KANK1: variants seen among roughly 807,000 people sequenced by gnomAD.
KANK1 encodes the protein KN motif and ankyrin repeat domain-containing protein 1.
Under a neutral mutation model 106.2 loss-of-function variants are expected in KANK1, and 109 were observed. The ratio of observed to expected loss-of-function variants is 1.03; its 90% CI spans 0.88 to 1.20. KANK1 has a LOEUF of 1.20. Among genes scored for constraint, KANK1 ranks in the 50% most tolerant of loss-of-function variants. The pLI is 0.00. For synonymous variants in KANK1, 873 were observed against 652.2 expected, an observed-to-expected ratio of 1.34 and a Z score of -5.16; for missense variants, 2,399 against 1,710.7, an observed-to-expected ratio of 1.40 and a Z score of -7.10.
At chr9:640,022 T>C (rs1167322185) in intron 1 of KANK1, among the ~76,000 whole-genome samples, 1 of 152,178 alleles carries the variant, frequency 6.6e-6, no homozygotes. Flanking sequence ...ATGTAAATCT[T>C]GGGAGACACA....
chr9:709,862 C>A (rs1170022079), intron 2 of KANK1, among the ~76,000 whole-genome samples: 2 of 152,140 alleles, frequency 1.3e-5, no homozygotes, highest in Admixed American at 1.3e-4. Context: ...GGTGATCCAC[C>A]CGCCTTGGCC....
chr9:671,623 A>AAAAAAAAAAAAAAAAAAAAAAAAAAG lies in KANK1; in HGVS notation c.-83-5263_-83-5262insAAAAAAAAAAAAAAAAAAAAAGAAAA, dbSNP rs79437342. 2.6e-4 allele frequency among the ~76,000 whole-genome samples: 27 copies of AAAAAAAAAAAAAAAAAAAAAAAAAAG among 103,608 alleles called. 1 individual carries two copies. The highest frequency in any genetic ancestry group is 9.3e-4 in the African/African-American group (21 of 22,516). The allele number at this position is 103,608 out of a possible 152,430, so 68.0% of individuals were successfully genotyped here. A position where few individuals can be genotyped will look rare whatever the true frequency, so the allele number is the denominator to read the frequency against. On this transcript the variant is annotated intron_variant, in intron 1 of 11. Coordinates refer to ENST00000382297, the MANE Select transcript of KANK1 (RefSeq NM_015158.5). The stretch of plus-strand genomic sequence containing the variant: ...AGAGCGAAACTCCGTCTCAAAAAAA[A>AAAAAAAAAAAAAAAAAAAAAAAAAAG]AAAAGAGTGTACTGGTTAAGTACTG...
In KANK1 at chr9:738,503, C is replaced by A. The variant is rs766169056; in HGVS notation, c.3552C>A (p.Ala1184=). ...AGATTGTGAAGCTGCTGTTAGATGC[C>A]GGTATGTTGGCTGCCCTTCCACCCT... The part of the protein sequence containing the change: ...NFEIVKLLLD[A]DVCNVDHQNK... The change falls in exon 8 of 12, where the codon GCC becomes GCA. Residue 1184 remains alanine, a splice_region_variant and synonymous_variant. Transcript: ENST00000382297. 4 of 1,612,164 alleles carry A rather than the reference C, an allele frequency of 2.5e-6. No homozygotes were observed. The highest frequency in any genetic ancestry group is 1.1e-5 in the South Asian group (1 of 91,024).
intron 1 of KANK1, among the ~76,000 whole-genome samples, chr9:634,723 G>T (rs748121824): frequency 2.6e-5 from 4 of 152,180 alleles, no homozygotes; most frequent in Non-Finnish European, 5.9e-5. Flanking sequence ...CTTAGCCCAT[G>T]CCCAGGAATG....
intron 1 of KANK1, among the ~76,000 whole-genome samples, chr9:521,725 G>C (rs1284135786): frequency 6.6e-6 from 1 of 151,164 alleles, no homozygotes; most frequent in Non-Finnish European, 1.5e-5. Context: ...GCGCCACCAC[G>C]CGTGGCTGAT....
chr9:546,676 C>T (rs553503663), intron 1 of KANK1, among the ~76,000 whole-genome samples: 16 of 152,054 alleles, frequency 1.1e-4, no homozygotes, highest in South Asian at 6.3e-4. Flanking sequence ...CCCACTCCCC[C>T]AAGCAGTAAA....
At chr9:743,316 G>C (rs184595742) in intron 10 of KANK1, among the ~76,000 whole-genome samples, 1 of 152,176 alleles carries the variant, frequency 6.6e-6, no homozygotes, top group Non-Finnish European at 1.5e-5. Context: ...ATGAGGGACT[G>C]ACTAGCTTCA....
At chr9:520,250 A>T (rs2059484262) in intron 1 of KANK1, among the ~76,000 whole-genome samples, 1 of 151,836 alleles carries the variant, frequency 6.6e-6, no homozygotes, top group Admixed American at 6.6e-5. Context: ...AGGTGGGAGG[A>T]TCACCTCAGC....
chr9:571,980 G>A (rs954378073), intron 1 of KANK1, among the ~76,000 whole-genome samples: 6 of 152,064 alleles, frequency 3.9e-5, no homozygotes, highest in East Asian at 1.9e-4. Flanking sequence ...AGAACAACTC[G>A]GAACTTTGTG....
At chr9:506,928 G>A (rs1216760926) in intron 1 of KANK1, among the ~76,000 whole-genome samples, 1 of 152,178 alleles carries the variant, frequency 6.6e-6, no homozygotes, top group African/African-American at 2.4e-5. Flanking sequence ...GAGTGGGTCT[G>A]TGAAAAGTTG....
chr9:613,597 T>C (rs1831090170), intron 1 of KANK1, among the ~76,000 whole-genome samples: 1 of 152,150 alleles, frequency 6.6e-6, no homozygotes, highest in African/African-American at 2.4e-5. Context: ...TTGTTTACAT[T>C]CTCCTGTTGT....
At position 530,920 on chromosome 9, in the gene KANK1, C is replaced by T. The variant is rs867214803; in HGVS notation, c.-84+26166C>T. Among the ~76,000 whole-genome samples the T allele has an allele frequency of 7.2e-5, 11 of 152,098 alleles. No individual in the cohort carries two copies. In the South Asian group the frequency reaches 1.5e-3, roughly 20 times the overall value. ...GCAGTGAGTCATGATTGTGGCACTG[C>T]ACTCCATCGTGGGTGACAGAGTGAG... On this transcript the variant is annotated intron_variant, in intron 1 of 11. Transcript: ENST00000382297.
In KANK1 at chr9:530,805, A is replaced by G. The variant is rs185607786; in HGVS notation, c.-84+26051A>G. On this transcript the variant is annotated intron_variant, in intron 1 of 11. Transcript: ENST00000382297. The stretch of plus-strand genomic sequence containing the variant: ...GGAGTTCAAGACCAGCCTGGACAAT[A>G]TGATGAAACTCTGTCTCTATGAAAA... Among the ~76,000 whole-genome samples, 11 of 152,252 alleles carry G rather than the reference A, an allele frequency of 7.2e-5. No individual in the cohort carries two copies. The East Asian group carries it at 1.9e-3, about 27-fold the overall frequency.
At chr9:485,226 TGATA>T (rs1293950548) in intron 3 of KANK1, among the ~76,000 whole-genome samples, 2 of 152,106 alleles carry the variant, frequency 1.3e-5, no homozygotes, top group East Asian at 1.9e-4. Flanking sequence ...TCTGATCCAG[TGATA>T]GATAGTGACC....
intron 1 of KANK1, among the ~76,000 whole-genome samples, chr9:669,335 C>G (rs1845382669): frequency 6.6e-6 from 1 of 152,046 alleles, no homozygotes; most frequent in African/African-American, 2.4e-5. Flanking sequence ...TTTCTTTTTG[C>G]ACATTAATGT....
chr9:529,219 TAA>T (rs1491543568), intron 1 of KANK1, among the ~76,000 whole-genome samples: 18 of 144,522 alleles, frequency 1.2e-4, no homozygotes, highest in African/African-American at 4.8e-4. Flanking sequence ...ATAACTCTGT[TAA>T]TATATATATA....
At chr9:526,885 C>T (rs2059816558) in intron 1 of KANK1, among the ~76,000 whole-genome samples, 1 of 151,704 alleles carries the variant, frequency 6.6e-6, no homozygotes, top group Admixed American at 6.6e-5. Flanking sequence ...GAAGATATAA[C>T]TCTTATGACT....
intron 1 of KANK1, among the ~76,000 whole-genome samples, chr9:586,821 T>TTGC (rs1385401703): frequency 3.3e-5 from 5 of 152,066 alleles, no homozygotes; most frequent in Non-Finnish European, 2.9e-5. Flanking sequence ...AAGGGACTCT[T>TTGC]TGCATGATAT....
At chr9:697,392 A>G (rs1174446129) in intron 2 of KANK1, among the ~76,000 whole-genome samples, 3 of 152,068 alleles carry the variant, frequency 2.0e-5, no homozygotes, top group Non-Finnish European at 2.9e-5. Flanking sequence ...TATGATTGAC[A>G]TTTCATGCCA....
Sources: gnomAD v4.1 joint callset for allele counts (sites outside exome capture counted in the v4.1 genomes callset) on GRCh38, gnomAD v4.1.1 for gene constraint, MANE v1.5 for transcripts, NCBI Gene and HGNC (gene_info 2026-07-23, HGNC 2026-07-21) for gene names.